CFAP299: variants seen among roughly 807,000 people sequenced by gnomAD.
CFAP299 encodes cilia- and flagella-associated protein 299.
A neutral mutation model predicts 27.0 loss-of-function variants in CFAP299; 21 were observed. The ratio of observed to expected loss-of-function variants is 0.78; its 90% CI spans 0.55 to 1.12. CFAP299 has a LOEUF of 1.12. Among genes scored for constraint, CFAP299 ranks in the 50% most tolerant of loss-of-function variants. CFAP299 has a pLI of 0.00. For missense variants in CFAP299, 310 were observed against 276.6 expected (o/e 1.12, Z -0.86); for synonymous variants, 104 against 98.1 (o/e 1.06, Z -0.36).
chr4:80,504,187 A>T (rs909534380), intron 2 of CFAP299, among the ~76,000 whole-genome samples: 1 of 151,574 alleles, frequency 6.6e-6, no homozygotes, highest in Non-Finnish European at 1.5e-5. Flanking sequence ...CTGAGCGGAG[A>T]TGTCTAAGTG....
At chr4:80,775,120 G>C (rs964217945) in intron 3 of CFAP299, among the ~76,000 whole-genome samples, 2 of 150,514 alleles carry the variant, frequency 1.3e-5, no homozygotes, top group Non-Finnish European at 3.0e-5. Context: ...TTTTCAAAGA[G>C]TAATGGCATA....
intron 3 of CFAP299, among the ~76,000 whole-genome samples, chr4:80,844,338 C>T (rs1731041020): frequency 6.6e-6 from 1 of 152,096 alleles, no homozygotes; most frequent in South Asian, 2.1e-4. Flanking sequence ...CACTGACTTC[C>T]ACAGTGGTTG....
intron 3 of CFAP299, among the ~76,000 whole-genome samples, chr4:80,789,296 C>A (rs1351700016): frequency 6.6e-6 from 1 of 151,874 alleles, no homozygotes; most frequent in African/African-American, 2.4e-5. Context: ...TTGTAAACAA[C>A]TTAATCTTAT....
At chr4:80,656,438 A>G (rs1740559642) in intron 3 of CFAP299, among the ~76,000 whole-genome samples, 1 of 151,516 alleles carries the variant, frequency 6.6e-6, no homozygotes, top group African/African-American at 2.4e-5. Context: ...GTGGGTTCTC[A>G]TTGTTCAACT....
At chr4:80,734,740 C>T (rs970316496) in intron 3 of CFAP299, among the ~76,000 whole-genome samples, 4 of 151,986 alleles carry the variant, frequency 2.6e-5, no homozygotes, top group African/African-American at 7.2e-5. Context: ...CCCCATTGTA[C>T]GTTTTTGGCA....
At chr4:80,854,319 T>C (rs1731700601) in intron 3 of CFAP299, among the ~76,000 whole-genome samples, 2 of 150,966 alleles carry the variant, frequency 1.3e-5, no homozygotes, top group South Asian at 4.2e-4. Flanking sequence ...GGAAAATGAC[T>C]GTAATAGCTA....
At chr4:80,825,186 A>C (rs958941168) in intron 3 of CFAP299, among the ~76,000 whole-genome samples, 1 of 151,926 alleles carries the variant, frequency 6.6e-6, no homozygotes, top group Non-Finnish European at 1.5e-5. Context: ...TGAATCACTG[A>C]ACTTGAAGAT....
intron 2 of CFAP299, among the ~76,000 whole-genome samples, chr4:80,442,520 C>A (rs779161436): frequency 1.5e-4 from 23 of 152,252 alleles, no homozygotes; most frequent in Admixed American, 4.6e-4. Context: ...AGAAAAAAGA[C>A]ACAACATACC....
At chr4:80,657,052 T>C (rs1191396589) in intron 3 of CFAP299, among the ~76,000 whole-genome samples, 1 of 152,146 alleles carries the variant, frequency 6.6e-6, no homozygotes, top group Non-Finnish European at 1.5e-5. Context: ...TCATATCCTT[T>C]GCATACTTTT....
At chr4:80,887,928 C>G (rs1734052334) in intron 4 of CFAP299, among the ~76,000 whole-genome samples, 1 of 151,894 alleles carries the variant, frequency 6.6e-6, no homozygotes, top group Non-Finnish European at 1.5e-5. Flanking sequence ...GGTTATGAGA[C>G]AGTATATGCT....
intron 3 of CFAP299, among the ~76,000 whole-genome samples, chr4:80,676,858 G>A (rs1719493801): frequency 6.6e-6 from 1 of 151,658 alleles, no homozygotes; most frequent in African/African-American, 2.4e-5. Context: ...TGTTAGTATA[G>A]TTAGTTTGTT....
intron 3 of CFAP299, among the ~76,000 whole-genome samples, chr4:80,689,625 C>T: frequency 6.6e-6 from 1 of 152,142 alleles, no homozygotes; most frequent in Non-Finnish European, 1.5e-5. Context: ...TAGGCAGAAA[C>T]TGCATCAACT....
chr4:80,558,485 G>A (rs115288338), intron 2 of CFAP299, among the ~76,000 whole-genome samples: 156 of 150,892 alleles, frequency 1.0e-3, no homozygotes, highest in African/African-American at 3.5e-3. Flanking sequence ...TCCTGACAAA[G>A]GTAGCTTAGG....
rs143499214 is a variant in CFAP299 at position 80,437,065 on chromosome 4, G to T, written c.242+74181G>T. On this transcript the variant is annotated intron_variant, in intron 2 of 5. Coordinates refer to ENST00000358105, the MANE Select transcript of CFAP299 (RefSeq NM_152770.3). ...TCTGCTGGGACATAGGGCTAGCCAG[G>T]GTATCGATATTGCTTGTGGCTAAGA... 5.9e-5 allele frequency among the ~76,000 whole-genome samples: 9 copies of T among 152,138 alleles called. No individual in the cohort carries two copies. The East Asian group carries it at 1.5e-3, about 26-fold the overall frequency.
At chr4:80,484,536 C>T (rs1174992237) in intron 2 of CFAP299, among the ~76,000 whole-genome samples, 1 of 152,110 alleles carries the variant, frequency 6.6e-6, no homozygotes, top group Non-Finnish European at 1.5e-5. Context: ...TTCAGTTTCT[C>T]TGTGACTGTA....
chr4:80,598,596 ATAAT>A (rs1378178983), intron 3 of CFAP299, among the ~76,000 whole-genome samples: 1 of 152,216 alleles, frequency 6.6e-6, no homozygotes, highest in Non-Finnish European at 1.5e-5. Flanking sequence ...GGAATCCTAA[ATAAT>A]TAATCCAAAA....
intron 2 of CFAP299, among the ~76,000 whole-genome samples, chr4:80,567,779 C>G (rs1024300171): frequency 1.3e-5 from 2 of 150,110 alleles, no homozygotes; most frequent in Non-Finnish European, 3.0e-5. Context: ...TGTTTAAATA[C>G]AAACGAAAAG....
chr4:80,440,721 C>T (rs1728318871), intron 2 of CFAP299, among the ~76,000 whole-genome samples: 1 of 152,150 alleles, frequency 6.6e-6, no homozygotes, highest in African/African-American at 2.4e-5. Flanking sequence ...GATGAATAGA[C>T]AGAAGTAGTC....
At chr4:80,374,162 A>T (rs1484622140) in intron 2 of CFAP299, among the ~76,000 whole-genome samples, 5 of 152,150 alleles carry the variant, frequency 3.3e-5, no homozygotes, top group African/African-American at 1.2e-4. Context: ...GTGTTCTGAG[A>T]AAGTGTCATG....
Sources: allele counts gnomAD v4.1 joint callset (sites outside exome capture counted in the v4.1 genomes callset), GRCh38; gene constraint gnomAD v4.1.1; transcripts MANE v1.5; gene names NCBI Gene and HGNC (gene_info 2026-07-23, HGNC 2026-07-21).